Variants in CD244 observed in about 807,000 individuals in gnomAD.
CD244 encodes the protein natural killer cell receptor 2B4.
CD244 carries 20 observed loss-of-function variants against 45.5 expected under a neutral mutation model. The ratio of observed to expected loss-of-function variants is 0.44; its 90% confidence interval spans 0.31 to 0.64. CD244 has a LOEUF of 0.64. CD244 is among the 30% of genes least tolerant of loss of function. The pLI, the probability that CD244 is intolerant of heterozygous loss-of-function variation, is 0.08. For missense variants in CD244, 407 were observed against 426.9 expected (o/e 0.95, Z 0.41); for synonymous variants, 185 against 160.5 (o/e 1.15, Z -1.15).
At chr1:160,854,068 A>G (rs1213563392) in intron 1 of CD244, among the ~76,000 whole-genome samples, 1 of 152,166 alleles carries the variant, frequency 6.6e-6, no homozygotes, top group Non-Finnish European at 1.5e-5. Flanking sequence ...AACACAAAAC[A>G]CACGTGTGGC....
At chr1:160,854,060 C>T (rs575553626) in intron 1 of CD244, among the ~76,000 whole-genome samples, 6 of 152,280 alleles carry the variant, frequency 3.9e-5, no homozygotes, top group African/African-American at 1.4e-4. Flanking sequence ...GTTAAGGGAA[C>T]ACAAAACACA....
intron 5 of CD244, among the ~76,000 whole-genome samples, chr1:160,837,637 A>G (rs1043696532): frequency 6.6e-6 from 1 of 152,146 alleles, no homozygotes; most frequent in African/African-American, 2.4e-5. Flanking sequence ...GCCCCACCAC[A>G]TGTGCTTCCT....
chr1:160,844,519 T>C (rs559249756), intron 1 of CD244, among the ~76,000 whole-genome samples: 2 of 152,338 alleles, frequency 1.3e-5, no homozygotes, highest in Admixed American at 1.3e-4. Flanking sequence ...AAAAATGATG[T>C]TCTGCTAGTT....
intron 4 of CD244, 47 bp from the exon 5 acceptor site, chr1:160,838,565 A>G (rs1309231923): frequency 2.2e-6 from 3 of 1,386,670 alleles, no homozygotes; most frequent in Non-Finnish European, 3.1e-6. Flanking sequence ...AACCTCCAGA[A>G]GGGCTTTTGC....
intron 6 of CD244, among the ~76,000 whole-genome samples, chr1:160,834,333 A>G (rs773765034): frequency 6.6e-6 from 1 of 152,140 alleles, no homozygotes; most frequent in Non-Finnish European, 1.5e-5. Context: ...TATCTTATAC[A>G]TGTATTCTCC....
chr1:160,832,704 A>T, intron 7 of CD244, 129 bp from the exon 8 acceptor site: 1 of 1,534,526 alleles, frequency 6.5e-7, no homozygotes, highest in Non-Finnish European at 8.8e-7. Flanking sequence ...CCAGAAAATG[A>T]ATAGAATCTG....
intron 1 of CD244, among the ~76,000 whole-genome samples, chr1:160,849,768 G>A (rs1669856513): frequency 6.6e-6 from 1 of 152,200 alleles, no homozygotes; most frequent in East Asian, 1.9e-4. Flanking sequence ...GCTCACGCCT[G>A]TAATCCCAGC....
intron 1 of CD244, among the ~76,000 whole-genome samples, chr1:160,856,517 C>T (rs1448566884): frequency 1.3e-5 from 2 of 152,162 alleles, no homozygotes; most frequent in African/African-American, 4.8e-5. Context: ...CTTATTTATT[C>T]TTCAAGGCCA....
At chr1:160,834,244 C>A in intron 6 of CD244, 128 bp from the exon 7 acceptor site, 1 of 679,028 alleles carries the variant, frequency 1.5e-6, no homozygotes. Flanking sequence ...GAAAAGAGCC[C>A]TGGACTAGCC....
rs554804186 is a variant in CD244, at chr1:160,860,558, A to C, written c.61+2059T>G. 3.5e-4 allele frequency among the ~76,000 whole-genome samples: 53 copies of C among 152,392 alleles called. 1 individual carries two copies. The highest frequency in any genetic ancestry group is 1.2e-3 in the African/African-American group (48 of 41,600). ...TGAATTTGACAATTGTGCTGTAGTA[A>C]CATGAGAATGTCTTTGTTCATAGGA... is the stretch of plus-strand genomic sequence containing the variant. On this transcript the variant is annotated intron_variant, in intron 1 of 8. Transcript: ENST00000368034.
rs1297431685 is a variant in CD244, at chr1:160,838,586, T to C, written c.767-68A>G. ...CAGAAGGGCTTTTGCTTCTAACAGG[T>C]CCCACCTCTACCCCAAATGGCCAAA... On this transcript the variant is annotated intron_variant, in intron 4 of 8. Transcript: ENST00000368034. 7 of 1,092,298 alleles carry C rather than the reference T, an allele frequency of 6.4e-6. No homozygotes were observed. In the Admixed American group the frequency reaches 1.2e-4, roughly 19 times the overall value. The allele number at this position is 1,092,298 out of a possible 1,614,324, so 67.7% of individuals were successfully genotyped here. A position where few individuals can be genotyped will look rare whatever the true frequency, so the allele number is the denominator to read the frequency against.
At chr1:160,837,533 C>T (rs372423207) in intron 5 of CD244, among the ~76,000 whole-genome samples, 2 of 152,198 alleles carry the variant, frequency 1.3e-5, no homozygotes, top group Non-Finnish European at 2.9e-5. Context: ...GGGAGCTGCT[C>T]TAACAGCCTC....
intron 1 of CD244, among the ~76,000 whole-genome samples, chr1:160,858,048 C>CA (rs142535548): frequency 0.25 from 36,553 of 144,824 alleles, 4,843 homozygotes; most frequent in East Asian, 0.4. Flanking sequence ...CCCTGTCTCA[C>CA]AAAAAAATAA....
chr1:160,835,574 T>A (rs1669304600), intron 6 of CD244, among the ~76,000 whole-genome samples: 1 of 152,122 alleles, frequency 6.6e-6, no homozygotes, highest in Non-Finnish European at 1.5e-5. Context: ...ATTCTACCAT[T>A]GCACTCAGCC....
intron 1 of CD244, among the ~76,000 whole-genome samples, chr1:160,850,018 A>G (rs1488344472): frequency 6.6e-6 from 1 of 152,238 alleles, no homozygotes. Flanking sequence ...ATCTCAAAAA[A>G]AAAATGAATA....
At chr1:160,841,081 G>A in intron 3 of CD244, 129 bp downstream of exon 3, 2 of 868,138 alleles carry the variant, frequency 2.3e-6, no homozygotes, top group Non-Finnish European at 1.8e-6. Context: ...GGCTACCCTG[G>A]GAAGGGCTAC....
At chr1:160,843,433 A>C (rs551386882) in intron 1 of CD244, among the ~76,000 whole-genome samples, 3 of 152,202 alleles carry the variant, frequency 2.0e-5, no homozygotes, top group Non-Finnish European at 4.4e-5. Flanking sequence ...TAAACCTACA[A>C]GGAGGACATA....
At chr1:160,852,321 G>A (rs374063000) in intron 1 of CD244, among the ~76,000 whole-genome samples, 11 of 151,558 alleles carry the variant, frequency 7.3e-5, no homozygotes, top group South Asian at 2.1e-4. Context: ...AGGCCGAGGC[G>A]GGTGGATCGC....
intron 1 of CD244, among the ~76,000 whole-genome samples, chr1:160,843,852 T>C (rs1295401755): frequency 6.6e-6 from 1 of 152,202 alleles, no homozygotes; most frequent in Non-Finnish European, 1.5e-5. Flanking sequence ...ATTCCATAAA[T>C]GGCAGCTAAA....
Sources: gnomAD v4.1 joint callset for allele counts (sites outside exome capture counted in the v4.1 genomes callset) on GRCh38, gnomAD v4.1.1 for gene constraint, MANE v1.5 for transcripts, NCBI Gene and HGNC (gene_info 2026-07-23, HGNC 2026-07-21) for gene names.